The following PTPRD variants were observed in gnomAD, a reference collection of about 807,000 sequenced individuals.
The protein encoded by PTPRD is receptor-type tyrosine-protein phosphatase delta.
Under a neutral mutation model 214.5 loss-of-function variants are expected in PTPRD, and 34 were observed. The ratio of observed to expected loss-of-function variants is 0.16; its 90% confidence interval spans 0.12 to 0.21. The LOEUF is 0.21. PTPRD is among the 10% of genes least tolerant of loss of function. The pLI, the probability that PTPRD is intolerant of heterozygous loss-of-function variation, is 1.00. For missense variants in PTPRD, 2,545 were observed against 2,398.7 expected (o/e 1.06, Z -1.27); for synonymous variants, 1,128 against 845.7 (o/e 1.33, Z -5.79).
chr9:10,222,794 A>G (rs1165590092), intron 3 of PTPRD, among the ~76,000 whole-genome samples: 1 of 152,022 alleles, frequency 6.6e-6, no homozygotes, highest in Non-Finnish European at 1.5e-5. Context: ...TGTGATCTGA[A>G]ATGACAATAA....
At chr9:9,520,017 T>A (rs1449982268) in intron 8 of PTPRD, among the ~76,000 whole-genome samples, 1 of 152,024 alleles carries the variant, frequency 6.6e-6, no homozygotes, top group African/African-American at 2.4e-5. Context: ...GTATGTAGAC[T>A]TTCTTTAGAA....
intron 8 of PTPRD, among the ~76,000 whole-genome samples, chr9:9,509,279 C>A (rs191899347): frequency 6.6e-6 from 1 of 151,154 alleles, no homozygotes; most frequent in Non-Finnish European, 1.5e-5. Flanking sequence ...TTTTTGGTAA[C>A]GGAAACTGAT....
intron 2 of PTPRD, among the ~76,000 whole-genome samples, chr9:10,541,075 A>G (rs565712306): frequency 1.2e-3 from 183 of 152,324 alleles, no homozygotes; most frequent in African/African-American, 4.3e-3. Flanking sequence ...CAAGGATGAA[A>G]AAGAGACTAT....
intron 8 of PTPRD, among the ~76,000 whole-genome samples, chr9:9,477,387 A>T (rs1049920175): frequency 3.3e-5 from 5 of 152,184 alleles, no homozygotes; most frequent in Admixed American, 2.6e-4. Context: ...AACTGGGACC[A>T]TTTGAAGGTA....
chr9:9,487,731 C>G (rs1424540116), intron 8 of PTPRD, among the ~76,000 whole-genome samples: 7 of 152,144 alleles, frequency 4.6e-5, no homozygotes. Flanking sequence ...TGTTCCTCAA[C>G]TGCTCTTGAT....
chr9:9,603,300 C>T (rs867606747), intron 7 of PTPRD, among the ~76,000 whole-genome samples: 5 of 152,230 alleles, frequency 3.3e-5, no homozygotes, highest in Middle Eastern at 3.4e-3. Context: ...ATGAGTCAGA[C>T]ACATGGTCAA....
intron 11 of PTPRD, among the ~76,000 whole-genome samples, chr9:8,813,745 A>T: frequency 6.6e-6 from 1 of 152,204 alleles, no homozygotes; most frequent in East Asian, 1.9e-4. Context: ...TCATTTGATA[A>T]ATATACAAGA....
rs559701247 is a variant in PTPRD, at chr9:9,017,211, C to A, written c.-104+1486G>T. On this transcript the variant is annotated intron_variant, in intron 11 of 45. Coordinates refer to ENST00000381196, the MANE Select transcript of PTPRD (RefSeq NM_002839.4). ...CAACAACCATAAACGAACAACCATA[C>A]TTTTCCAAGTGCTGCTAAAAAGGAA... Among the ~76,000 whole-genome samples the A allele has an allele frequency of 1.3e-5, 2 of 152,248 alleles. 1 individual carries two copies. The highest frequency in any genetic ancestry group is 4.1e-4 in the South Asian group (2 of 4,826).
At position 9,009,404 on chromosome 9, in the gene PTPRD, C is replaced by A. The variant is rs573073888; in HGVS notation, c.-104+9293G>T. On this transcript the variant is annotated intron_variant, in intron 11 of 45. Coordinates refer to ENST00000381196, the MANE Select transcript of PTPRD (RefSeq NM_002839.4). ...AAAGGCTCCACAAATTTCAGCAGTT[C>A]TTTCTATTTTATTTTATTTTATTTT... Among the ~76,000 whole-genome samples, 4 of 147,872 alleles carry A rather than the reference C, an allele frequency of 2.7e-5. No individual in the cohort carries two copies. The East Asian group carries it at 8.3e-4, about 31-fold the overall frequency.
chr9:10,276,063 G>T (rs1163939016), intron 3 of PTPRD, among the ~76,000 whole-genome samples: 1 of 152,178 alleles, frequency 6.6e-6, no homozygotes, highest in Non-Finnish European at 1.5e-5. Context: ...GTTTAGCACA[G>T]GATTGCTGGA....
intron 11 of PTPRD, among the ~76,000 whole-genome samples, chr9:8,950,719 T>TA (rs34634038): frequency 1.3e-5 from 2 of 151,370 alleles, no homozygotes; most frequent in Non-Finnish European, 2.9e-5. Flanking sequence ...TTTTTTTTTT[T>TA]AAATAGAGCT....
chr9:9,723,634 A>T (rs2098013218), intron 7 of PTPRD, among the ~76,000 whole-genome samples: 1 of 152,070 alleles, frequency 6.6e-6, no homozygotes, highest in East Asian at 1.9e-4. Context: ...CATCTTAACA[A>T]TGTTAAGTCT....
chr9:9,699,152 G>C (rs967806766), intron 7 of PTPRD, among the ~76,000 whole-genome samples: 6 of 151,702 alleles, frequency 4.0e-5, no homozygotes, highest in African/African-American at 1.2e-4. Context: ...TTTCGTTGTG[G>C]TTATCATGGT....
intron 44 of PTPRD, among the ~76,000 whole-genome samples, chr9:8,331,136 C>T (rs1447490979): frequency 6.6e-6 from 1 of 151,974 alleles, no homozygotes; most frequent in Non-Finnish European, 1.5e-5. Context: ...AACTGAGGTA[C>T]CATACTAAGC....
At chr9:9,731,883 G>C (rs1041941875) in intron 7 of PTPRD, among the ~76,000 whole-genome samples, 1 of 152,170 alleles carries the variant, frequency 6.6e-6, no homozygotes, top group Non-Finnish European at 1.5e-5. Flanking sequence ...CTGCAGTAAA[G>C]AGAACAAGAT....
intron 11 of PTPRD, among the ~76,000 whole-genome samples, chr9:8,920,606 A>G (rs562143848): frequency 1.3e-5 from 2 of 152,182 alleles, no homozygotes; most frequent in South Asian, 4.1e-4. Flanking sequence ...TTGCAAAAAA[A>G]TCTCATAATG....
At chr9:8,818,922 G>A (rs551662510) in intron 11 of PTPRD, among the ~76,000 whole-genome samples, 1 of 152,232 alleles carries the variant, frequency 6.6e-6, no homozygotes, top group Admixed American at 6.5e-5. Flanking sequence ...GGTAACATTT[G>A]GAAGAATAGA....
intron 9 of PTPRD, among the ~76,000 whole-genome samples, chr9:9,333,504 T>TGTATATATATATATATATATATATA (rs1555249397): frequency 2.9e-5 from 4 of 137,244 alleles, no homozygotes; most frequent in African/African-American, 1.2e-4. Context: ...ATATAGTATA[T>TGTATATATATATATATATATATATA]TATATATATA....
chr9:9,389,972 A>G (rs1173899867), intron 9 of PTPRD, among the ~76,000 whole-genome samples: 2 of 152,186 alleles, frequency 1.3e-5, no homozygotes, highest in African/African-American at 4.8e-5. Context: ...GCAATGGAAA[A>G]TAGATTAAGA....
Sources: gnomAD v4.1 joint callset for allele counts (sites outside exome capture counted in the v4.1 genomes callset) on GRCh38, gnomAD v4.1.1 for gene constraint, MANE v1.5 for transcripts, NCBI Gene and HGNC (gene_info 2026-07-23, HGNC 2026-07-21) for gene names.